HEMK2: variants seen among roughly 807,000 people sequenced by gnomAD.
HEMK2 encodes the protein methyltransferase HEMK2.
chr21:28,662,234 T>A, the HEMK2 span, among the ~76,000 whole-genome samples: 236 of 152,262 alleles, frequency 1.5e-3, 1 homozygote, highest in African/African-American at 5.6e-3. Flanking sequence ...CTACAAGCTG[T>A]ATTCAGCTTG....
chr21:28,607,180 G>T, the HEMK2 span, among the ~76,000 whole-genome samples: 1 of 152,164 alleles, frequency 6.6e-6, no homozygotes, highest in Non-Finnish European at 1.5e-5. Context: ...GGAGGCCAAA[G>T]CGGGTGGATT....
the HEMK2 span, among the ~76,000 whole-genome samples, chr21:28,795,142 T>C: frequency 4.6e-5 from 7 of 152,198 alleles, no homozygotes; most frequent in Non-Finnish European, 8.8e-5. Context: ...TATTTTTTGT[T>C]CTCATTGTTT....
At chr21:28,592,380 T>A in the HEMK2 span, among the ~76,000 whole-genome samples, 1 of 152,190 alleles carries the variant, frequency 6.6e-6, no homozygotes, top group Non-Finnish European at 1.5e-5. Flanking sequence ...AGGTTCTGAA[T>A]CAAGATGATC....
At chr21:28,786,327 G>A in the HEMK2 span, among the ~76,000 whole-genome samples, 4 of 152,152 alleles carry the variant, frequency 2.6e-5, no homozygotes, top group Admixed American at 2.0e-4. Context: ...TCACCCATAG[G>A]TCAAGTCTGT....
the HEMK2 span, among the ~76,000 whole-genome samples, chr21:28,616,570 A>G: frequency 6.6e-6 from 1 of 152,228 alleles, no homozygotes; most frequent in Non-Finnish European, 1.5e-5. Context: ...TCCCTGACAC[A>G]TGAAAAATTC....
At chr21:28,823,754 A>G in the HEMK2 span, among the ~76,000 whole-genome samples, 1 of 152,132 alleles carries the variant, frequency 6.6e-6, no homozygotes, top group Non-Finnish European at 1.5e-5. Context: ...AGCTAAAATC[A>G]TTGTCTCTTG....
the HEMK2 span, among the ~76,000 whole-genome samples, chr21:28,797,523 G>A: frequency 4.0e-4 from 61 of 151,980 alleles, no homozygotes; most frequent in African/African-American, 1.5e-3. Flanking sequence ...GCTGAGGTGG[G>A]AGAATCGCTT....
chr21:28,585,438 G>C, the HEMK2 span, among the ~76,000 whole-genome samples: 1 of 151,736 alleles, frequency 6.6e-6, no homozygotes, highest in African/African-American at 2.4e-5. Context: ...ACCCATAAAG[G>C]CTCCAGGTAT....
chr21:28,850,181 C>A, the HEMK2 span, among the ~76,000 whole-genome samples: 1 of 150,940 alleles, frequency 6.6e-6, no homozygotes, highest in Admixed American at 6.6e-5. Context: ...AGAAACCCCA[C>A]AAGCCAGAAG....
chr21:28,791,800 C>T, the HEMK2 span, among the ~76,000 whole-genome samples: 31,662 of 151,806 alleles, frequency 0.21, 5,481 homozygotes, highest in African/African-American at 0.46. Context: ...GAATAGGGGA[C>T]GGGGAAAATG....
chr21:28,694,205 C>T, the HEMK2 span, among the ~76,000 whole-genome samples: 1 of 152,180 alleles, frequency 6.6e-6, no homozygotes, highest in African/African-American at 2.4e-5. Context: ...GCTTACTTTC[C>T]GTTTTCTCTT....
chr21:28,740,272 T>C, the HEMK2 span, among the ~76,000 whole-genome samples: 7 of 152,274 alleles, frequency 4.6e-5, no homozygotes, highest in African/African-American at 1.7e-4. Context: ...TGTCTATTTG[T>C]GTAGCCCAGA....
the HEMK2 span, among the ~76,000 whole-genome samples, chr21:28,878,823 G>A: frequency 6.6e-6 from 1 of 151,050 alleles, no homozygotes; most frequent in Non-Finnish European, 1.5e-5. Context: ...GAGACCTACT[G>A]TACAGAAACA....
chr21:28,712,646 G>A, the HEMK2 span, among the ~76,000 whole-genome samples: 2 of 152,194 alleles, frequency 1.3e-5, no homozygotes, highest in East Asian at 3.9e-4. Context: ...CCATGAAGAT[G>A]AGGCAGGAAA....
chr21:28,585,481 A>G, the HEMK2 span, among the ~76,000 whole-genome samples: 1 of 152,100 alleles, frequency 6.6e-6, no homozygotes, highest in Non-Finnish European at 1.5e-5. Context: ...TAGAGTACCT[A>G]TGTTAACATG....
At chr21:28,869,207 C>G in the HEMK2 span, among the ~76,000 whole-genome samples, 5 of 152,146 alleles carry the variant, frequency 3.3e-5, no homozygotes, top group Non-Finnish European at 7.4e-5. Context: ...ATATCCACAT[C>G]TGTTGAGGTG....
At chr21:28,762,277 G>A in the HEMK2 span, among the ~76,000 whole-genome samples, 3 of 152,000 alleles carry the variant, frequency 2.0e-5, no homozygotes, top group African/African-American at 4.8e-5. Context: ...TCCTTTAAAG[G>A]CTTGCACAAG....
chr21:28,676,156 C>G, the HEMK2 span, among the ~76,000 whole-genome samples: 44 of 152,318 alleles, frequency 2.9e-4, no homozygotes, highest in Non-Finnish European at 4.9e-4. Flanking sequence ...CTACCACAGA[C>G]TGGGTGGCTT....
At chr21:28,811,196 T>C in the HEMK2 span, among the ~76,000 whole-genome samples, 15 of 141,272 alleles carry the variant, frequency 1.1e-4, no homozygotes, top group African/African-American at 3.6e-4. Flanking sequence ...AGCCAACAAA[T>C]TGAGATCTCA....
Sources: gnomAD v4.1 joint callset for allele counts (sites outside exome capture counted in the v4.1 genomes callset) on GRCh38, gnomAD v4.1.1 for gene constraint, MANE v1.5 for transcripts, NCBI Gene and HGNC (gene_info 2026-07-23, HGNC 2026-07-21) for gene names.